The following SPOCK3 variants were observed in gnomAD, a reference collection of about 807,000 sequenced individuals.
The protein encoded by SPOCK3 is testican-3.
Under a neutral mutation model 56.6 loss-of-function variants are expected in SPOCK3, and 30 were observed. That is an observed-to-expected ratio of 0.53 (90% CI 0.40 to 0.72). The LOEUF is 0.72. Ranked by LOEUF, SPOCK3 falls within the 30% of genes least tolerant of loss-of-function variation. The probability of loss-of-function intolerance (pLI) is 0.00; values close to 1 mark genes in which losing one functional copy is unlikely to be tolerated. For synonymous variants in SPOCK3, 196 were observed against 183.3 expected, an observed-to-expected ratio of 1.07 and a Z score of -0.56; for missense variants, 527 against 530.0, an observed-to-expected ratio of 0.99 and a Z score of 0.06.
At chr4:166,934,294 C>A (rs1740123469) in intron 4 of SPOCK3, among the ~76,000 whole-genome samples, 1 of 150,674 alleles carries the variant, frequency 6.6e-6, no homozygotes, top group East Asian at 2.0e-4. Context: ...ATGGAACCAT[C>A]CTGGCTAACA....
chr4:166,828,996 C>T (rs1745756427), intron 6 of SPOCK3, among the ~76,000 whole-genome samples: 1 of 151,960 alleles, frequency 6.6e-6, no homozygotes, highest in South Asian at 2.1e-4. Context: ...TATTGAAAAT[C>T]TTCTGTGTTT....
At chr4:166,970,943 G>T (rs1413939329) in intron 4 of SPOCK3, among the ~76,000 whole-genome samples, 1 of 152,050 alleles carries the variant, frequency 6.6e-6, no homozygotes, top group Non-Finnish European at 1.5e-5. Flanking sequence ...GCCTAGGCTG[G>T]CCTCAAACCC....
chr4:166,842,116 C>A (rs1319213142), intron 6 of SPOCK3, among the ~76,000 whole-genome samples: 1 of 152,156 alleles, frequency 6.6e-6, no homozygotes, highest in East Asian at 1.9e-4. Flanking sequence ...AGTGAAGCTG[C>A]AGACCTTTGC....
chr4:167,128,945 C>T (rs1207039951), intron 2 of SPOCK3, among the ~76,000 whole-genome samples: 1 of 152,122 alleles, frequency 6.6e-6, no homozygotes, highest in Non-Finnish European at 1.5e-5. Flanking sequence ...TTTCCAAACC[C>T]TACCAGACTG....
chr4:166,871,670 T>C (rs1243247120), intron 6 of SPOCK3, among the ~76,000 whole-genome samples: 1 of 151,818 alleles, frequency 6.6e-6, no homozygotes, highest in South Asian at 2.1e-4. Flanking sequence ...TTCCAGAAAT[T>C]TGAAGAGAAA....
At chr4:166,765,040 GT>G (rs900116356) in intron 7 of SPOCK3, among the ~76,000 whole-genome samples, 7 of 151,900 alleles carry the variant, frequency 4.6e-5, no homozygotes, top group Non-Finnish European at 1.0e-4. Flanking sequence ...TGGGTTCTTT[GT>G]TTTTTTCTTG....
intron 2 of SPOCK3, chr4:167,102,701 A>T (rs561856631): frequency 6.6e-6 from 1 of 151,506 alleles, no homozygotes; most frequent in African/African-American, 2.4e-5. Flanking sequence ...CATTTAAACC[A>T]CTCCTAGCTA....
chr4:167,046,450 C>CTTTTTTTTTTTT (rs67108499), intron 3 of SPOCK3, among the ~76,000 whole-genome samples: 28 of 53,690 alleles, frequency 5.2e-4, no homozygotes, highest in African/African-American at 6.4e-4. Context: ...TTCTGATATT[C>CTTTTTTTTTTTT]TTTTTTTTTT....
At chr4:166,824,613 T>C (rs1347804005) in intron 6 of SPOCK3, among the ~76,000 whole-genome samples, 1 of 152,104 alleles carries the variant, frequency 6.6e-6, no homozygotes, top group Non-Finnish European at 1.5e-5. Flanking sequence ...ATCAGCCCTA[T>C]ACTTTTATTG....
In SPOCK3 at chr4:167,109,404, T is replaced by C. The variant is rs1340018406; in HGVS notation, c.190-46867A>G. 7.6e-5 allele frequency among the ~76,000 whole-genome samples: 6 copies of C among 79,152 alleles called. No individual in the cohort carries two copies. The Admixed American group carries it at 1.0e-3, about 14-fold the overall frequency. 51.9% of individuals were successfully genotyped at this position (79,152 alleles called of 152,430 possible). On this transcript the variant is annotated intron_variant, in intron 2 of 10. Transcript: ENST00000357545. ...TAAAATATATAAATATATATTTATA[T>C]ATAAATATATATATAAATATATATA...
At chr4:167,185,305 C>T (rs1205638102) in intron 2 of SPOCK3, among the ~76,000 whole-genome samples, 3 of 152,146 alleles carry the variant, frequency 2.0e-5, no homozygotes, top group Non-Finnish European at 4.4e-5. Flanking sequence ...TTATGTCACG[C>T]ATTTATCTTT....
intron 3 of SPOCK3, among the ~76,000 whole-genome samples, chr4:167,057,680 G>C (rs1421496971): frequency 7.2e-5 from 11 of 152,174 alleles, no homozygotes; most frequent in Admixed American, 1.3e-4. Flanking sequence ...AAGATCAAAA[G>C]AGACAAAGAA....
chr4:166,736,245 A>G (rs972974038), intron 10 of SPOCK3, among the ~76,000 whole-genome samples: 1 of 152,084 alleles, frequency 6.6e-6, no homozygotes, highest in African/African-American at 2.4e-5. Flanking sequence ...TTCCAAAAGC[A>G]ATGTTCTTGT....
At chr4:167,170,573 G>A (rs1317206358) in intron 2 of SPOCK3, among the ~76,000 whole-genome samples, 1 of 152,066 alleles carries the variant, frequency 6.6e-6, no homozygotes, top group Non-Finnish European at 1.5e-5. Flanking sequence ...TTACTAACGA[G>A]AAGACCAAAG....
At chr4:167,166,632 G>C (rs149708368) in intron 2 of SPOCK3, among the ~76,000 whole-genome samples, 3 of 152,060 alleles carry the variant, frequency 2.0e-5, no homozygotes, top group Non-Finnish European at 2.9e-5. Context: ...ATAGTGTCCT[G>C]TCAGACAGCT....
chr4:166,980,107 T>C (rs1451930267), intron 4 of SPOCK3, among the ~76,000 whole-genome samples: 1 of 152,216 alleles, frequency 6.6e-6, no homozygotes, highest in African/African-American at 2.4e-5. Flanking sequence ...GTCTGCCAAT[T>C]TGGATATCAT....
At chr4:167,025,435 G>C (rs1055386335) in intron 3 of SPOCK3, among the ~76,000 whole-genome samples, 1 of 151,972 alleles carries the variant, frequency 6.6e-6, no homozygotes, top group African/African-American at 2.4e-5. Context: ...ATAAAATAAC[G>C]TGTGTACAAT....
intron 3 of SPOCK3, among the ~76,000 whole-genome samples, chr4:167,059,835 A>G (rs1003314544): frequency 2.0e-5 from 3 of 152,238 alleles, no homozygotes; most frequent in African/African-American, 7.2e-5. Context: ...AAAAATGATG[A>G]GTTCATGTCC....
chr4:167,216,066 G>C (rs1310026886), intron 2 of SPOCK3, among the ~76,000 whole-genome samples: 1 of 152,000 alleles, frequency 6.6e-6, no homozygotes, highest in Non-Finnish European at 1.5e-5. Context: ...ATGTTGCCTG[G>C]GTAAATGATT....
Sources: allele counts gnomAD v4.1 joint callset (sites outside exome capture counted in the v4.1 genomes callset), GRCh38; gene constraint gnomAD v4.1.1; transcripts MANE v1.5; gene names NCBI Gene and HGNC (gene_info 2026-07-23, HGNC 2026-07-21).